The following LRRC4C variants were observed in gnomAD, a reference collection of about 807,000 sequenced individuals.
LRRC4C encodes leucine-rich repeat-containing protein 4C.
In LRRC4C, 5 loss-of-function variants were observed where a neutral mutation model predicts 33.6. The ratio of observed to expected loss-of-function variants is 0.15; its 90% confidence interval spans 0.08 to 0.31. The LOEUF is 0.31. Among genes scored for constraint, LRRC4C ranks in the 10% least tolerant of loss-of-function variants. LRRC4C has a pLI of 1.00. For synonymous variants in LRRC4C, 329 were observed against 302.0 expected (o/e 1.09, Z -0.93); for missense variants, 560 against 796.7 (o/e 0.70, Z 3.58).
chr11:41,344,664 CAT>C (rs754307402), intron 1 of LRRC4C, among the ~76,000 whole-genome samples: 75 of 152,338 alleles, frequency 4.9e-4, no homozygotes, highest in Non-Finnish European at 8.7e-4. Context: ...ATAGCACACA[CAT>C]GGACAAGATT....
intron 5 of LRRC4C, among the ~76,000 whole-genome samples, chr11:40,213,738 T>C (rs1298586237): frequency 6.6e-6 from 1 of 152,154 alleles, no homozygotes; most frequent in African/African-American, 2.4e-5. Flanking sequence ...CACAGGCATA[T>C]TTAATTTCAA....
intron 4 of LRRC4C, among the ~76,000 whole-genome samples, chr11:40,295,619 T>G (rs1293358042): frequency 6.6e-6 from 1 of 152,232 alleles, no homozygotes; most frequent in Non-Finnish European, 1.5e-5. Flanking sequence ...AAATTTCATC[T>G]GTAATGTTCT....
At chr11:41,311,075 C>G (rs1455335249) in intron 1 of LRRC4C, among the ~76,000 whole-genome samples, 1 of 152,176 alleles carries the variant, frequency 6.6e-6, no homozygotes, top group African/African-American at 2.4e-5. Flanking sequence ...GAGTTCAGTT[C>G]TAGAGATTCT....
intron 5 of LRRC4C, among the ~76,000 whole-genome samples, chr11:40,218,818 G>A (rs1864194214): frequency 6.7e-6 from 1 of 150,290 alleles, no homozygotes; most frequent in African/African-American, 2.5e-5. Context: ...GGCCTTTCTG[G>A]TCTCATCTCC....
intron 1 of LRRC4C, among the ~76,000 whole-genome samples, chr11:41,371,440 G>A (rs12293989): frequency 0.017 from 2,611 of 152,252 alleles, 73 homozygotes; most frequent in African/African-American, 0.058. Flanking sequence ...TGAGTAAATG[G>A]TGGGCTTTTC....
At chr11:41,231,024 T>C (rs889979232) in intron 1 of LRRC4C, among the ~76,000 whole-genome samples, 16 of 152,036 alleles carry the variant, frequency 1.1e-4, no homozygotes, top group Non-Finnish European at 1.9e-4. Context: ...TGCTCATCAT[T>C]GCTGGCCATC....
At chr11:41,203,289 G>T (rs559427438) in intron 1 of LRRC4C, among the ~76,000 whole-genome samples, 2 of 152,218 alleles carry the variant, frequency 1.3e-5, no homozygotes, top group South Asian at 4.1e-4. Flanking sequence ...CAGAAATCTA[G>T]ACCATACTGA....
chr11:41,312,919 A>G (rs1169139984), intron 1 of LRRC4C, among the ~76,000 whole-genome samples: 1 of 152,206 alleles, frequency 6.6e-6, no homozygotes, highest in Non-Finnish European at 1.5e-5. Flanking sequence ...GAGTGTCCAC[A>G]TGAAACATCA....
intron 3 of LRRC4C, among the ~76,000 whole-genome samples, chr11:40,436,451 C>T (rs1951143395): frequency 6.6e-6 from 1 of 152,110 alleles, no homozygotes; most frequent in South Asian, 2.1e-4. Context: ...AGGCAAATTT[C>T]CTGGCCAGGA....
At chr11:40,724,602 C>CA (rs1016426280) in intron 2 of LRRC4C, among the ~76,000 whole-genome samples, 20 of 152,134 alleles carry the variant, frequency 1.3e-4, no homozygotes, top group Admixed American at 3.3e-4. Context: ...TGGGATGTGG[C>CA]AAAAACCACA....
chr11:41,027,807 C>A (rs890990833), intron 1 of LRRC4C, among the ~76,000 whole-genome samples: 1 of 151,650 alleles, frequency 6.6e-6, no homozygotes, highest in African/African-American at 2.4e-5. Context: ...GCATTGTATT[C>A]TTTGTTCACA....
chr11:40,573,481 C>A (rs1384254041), intron 3 of LRRC4C, among the ~76,000 whole-genome samples: 1 of 152,150 alleles, frequency 6.6e-6, no homozygotes, highest in East Asian at 1.9e-4. Flanking sequence ...GTCTTCACTT[C>A]ATCAATCTTA....
chr11:40,223,767 G>A (rs765757204), intron 5 of LRRC4C, among the ~76,000 whole-genome samples: 2 of 152,182 alleles, frequency 1.3e-5, no homozygotes, highest in African/African-American at 2.4e-5. Context: ...TATTTGCAGC[G>A]TCTTTGGGGA....
intron 2 of LRRC4C, among the ~76,000 whole-genome samples, chr11:40,674,143 A>G (rs558755783): frequency 1.3e-5 from 2 of 152,362 alleles, no homozygotes; most frequent in African/African-American, 4.8e-5. Context: ...AGAAGGAAAC[A>G]TAATATCTTT....
At chr11:41,239,649 A>T (rs891758266) in intron 1 of LRRC4C, among the ~76,000 whole-genome samples, 3 of 151,988 alleles carry the variant, frequency 2.0e-5, no homozygotes, top group African/African-American at 4.8e-5. Context: ...CATTCTGTCC[A>T]TTCTGTCATA....
intron 1 of LRRC4C, among the ~76,000 whole-genome samples, chr11:41,106,531 T>A (rs1392804460): frequency 1.3e-5 from 2 of 152,032 alleles, no homozygotes; most frequent in African/African-American, 2.4e-5. Context: ...TATCCAGGAC[T>A]ATGTAATTCA....
At chr11:40,532,288 T>C (rs1956300552) in intron 3 of LRRC4C, among the ~76,000 whole-genome samples, 1 of 151,748 alleles carries the variant, frequency 6.6e-6, no homozygotes, top group Admixed American at 6.6e-5. Context: ...AGACAAGTAA[T>C]AAAAGTGAGT....
intron 3 of LRRC4C, among the ~76,000 whole-genome samples, chr11:40,452,709 C>T (rs995324842): frequency 9.2e-5 from 14 of 152,254 alleles, no homozygotes; most frequent in African/African-American, 3.1e-4. Context: ...ATAAGTCATG[C>T]TGCTATAAAG....
chr11:41,381,028 A>C (rs1055831115), intron 1 of LRRC4C, among the ~76,000 whole-genome samples: 2 of 152,182 alleles, frequency 1.3e-5, no homozygotes, highest in South Asian at 4.1e-4. Flanking sequence ...AAACCACGCT[A>C]TCTGCACGGT....
Sources: gnomAD v4.1 joint callset for allele counts (sites outside exome capture counted in the v4.1 genomes callset) on GRCh38, gnomAD v4.1.1 for gene constraint, MANE v1.5 for transcripts, NCBI Gene and HGNC (gene_info 2026-07-23, HGNC 2026-07-21) for gene names.